The following TDRD3 variants were observed in gnomAD, a reference collection of about 807,000 sequenced individuals.
TDRD3 encodes the protein tudor domain containing 3, also known as tudor domain-containing protein 3.
TDRD3 carries 45 observed loss-of-function variants against 86.7 expected under a neutral mutation model. The observed-to-expected ratio is 0.52, with a 90% CI of 0.41 to 0.67. The LOEUF is 0.67. Ranked by LOEUF, TDRD3 falls within the 30% of genes least tolerant of loss-of-function variation. The pLI is 0.00. For missense variants in TDRD3, 814 were observed against 889.0 expected (o/e 0.92, Z 1.07); for synonymous variants, 298 against 301.7 (o/e 0.99, Z 0.13).
chr13:60,480,807 A>G (rs565497876), intron 5 of TDRD3, among the ~76,000 whole-genome samples: 2 of 152,096 alleles, frequency 1.3e-5, no homozygotes, highest in East Asian at 1.9e-4. Context: ...TATAGCCAGC[A>G]TGATGGGGAG....
intron 2 of TDRD3, 89 bp downstream of exon 2, chr13:60,439,861 C>A: frequency 1.3e-6 from 1 of 760,700 alleles, no homozygotes; most frequent in Non-Finnish European, 2.0e-6. Flanking sequence ...TATATGATAA[C>A]AAATATAGAG....
intron 7 of TDRD3, among the ~76,000 whole-genome samples, chr13:60,490,678 T>C (rs914945822): frequency 6.6e-5 from 10 of 152,150 alleles, no homozygotes; most frequent in Admixed American, 5.9e-4. Context: ...ATTATTGAAG[T>C]AATCTAGGAT....
At chr13:60,492,961 C>T (rs923083797) in intron 7 of TDRD3, among the ~76,000 whole-genome samples, 3 of 147,036 alleles carry the variant, frequency 2.0e-5, no homozygotes, top group African/African-American at 7.5e-5. Context: ...CTGTATCTCC[C>T]AGGTTGGAGT....
chr13:60,518,952 A>G (rs541059606), intron 10 of TDRD3, among the ~76,000 whole-genome samples: 17 of 152,320 alleles, frequency 1.1e-4, no homozygotes, highest in African/African-American at 3.8e-4. Flanking sequence ...GAAAGATGTT[A>G]TATCTAATAT....
intron 10 of TDRD3, among the ~76,000 whole-genome samples, chr13:60,527,742 C>A (rs1040126157): frequency 2.6e-5 from 4 of 152,088 alleles, no homozygotes; most frequent in African/African-American, 7.2e-5. Context: ...TGACACTTTT[C>A]TGTATTTCCA....
intron 12 of TDRD3, among the ~76,000 whole-genome samples, chr13:60,551,918 G>A (rs1015687646): frequency 1.3e-5 from 2 of 152,102 alleles, no homozygotes. Context: ...AACAGCATGG[G>A]GGAAACTGTC....
intron 2 of TDRD3, 55 bp from the exon 3 acceptor site, chr13:60,444,628 A>G (rs1156842377): frequency 5.7e-6 from 6 of 1,054,206 alleles, no homozygotes; most frequent in Non-Finnish European, 4.0e-6. Context: ...ATGAGGTTAG[A>G]TTTAAATTTA....
Position 60,573,628 on chromosome 13 carries a change from GA to G in TDRD3, c.*25del, listed in dbSNP as rs1958638174. On this transcript the variant is annotated 3_prime_UTR_variant, in exon 14 of 14. Transcript: ENST00000377881. ...CTTTTTAAAGTAGACTCTTTGTGAAGAAACGAGCCAGTGACTGAAACACCCT... is the reference window on the plus strand; with the variant it reads ...CTTTTTAAAGTAGACTCTTTGTGAAGAACGAGCCAGTGACTGAAACACCCT... 1.0e-6 allele frequency: 1 copy of G among 985,242 alleles called. No individual in the cohort carries two copies. Among genetic ancestry groups the G allele is most frequent in the African/African-American group, 1.7e-5 (1 of 57,206 alleles). 61.0% of individuals were successfully genotyped at this position (985,242 alleles called of 1,614,324 possible).
chr13:60,563,232 T>A lies in TDRD3; in HGVS notation c.2119-4293T>A, dbSNP rs376785858. Reference sequence around the variant, plus strand: ...GACAGAGCAAGACTCCATATCAATTTAAAAAAAAAAAAAAAGGCAAGGCGA... The same window carrying A: ...GACAGAGCAAGACTCCATATCAATTAAAAAAAAAAAAAAAAGGCAAGGCGA... On this transcript the variant is annotated intron_variant, in intron 12 of 13. Coordinates refer to ENST00000377881, the MANE Select transcript of TDRD3 (RefSeq NM_001146070.2). Among the ~76,000 whole-genome samples, 81 of 135,030 alleles carry A rather than the reference T, an allele frequency of 6.0e-4. 1 individual carries two copies. In the South Asian group the frequency reaches 0.01, roughly 17 times the overall value. The allele number at this position is 135,030 out of a possible 152,430, so 88.6% of individuals were successfully genotyped here.
intron 7 of TDRD3, among the ~76,000 whole-genome samples, chr13:60,490,001 C>A (rs1321210127): frequency 1.4e-5 from 2 of 143,466 alleles, no homozygotes; most frequent in African/African-American, 5.1e-5. Context: ...TTTGTTGTCA[C>A]AATTGATATT....
chr13:60,414,827 A>T (rs1668152030), intron 1 of TDRD3, among the ~76,000 whole-genome samples: 1 of 152,090 alleles, frequency 6.6e-6, no homozygotes, highest in Admixed American at 6.6e-5. Context: ...TCAATTGAGC[A>T]TTCCTATCAC....
At chr13:60,491,173 G>A (rs1470318347) in intron 7 of TDRD3, among the ~76,000 whole-genome samples, 1 of 151,984 alleles carries the variant, frequency 6.6e-6, no homozygotes, top group Admixed American at 6.6e-5. Flanking sequence ...AGAGAAATTG[G>A]CAGGTTAGAG....
chr13:60,462,120 T>C (rs1159380811), intron 4 of TDRD3, among the ~76,000 whole-genome samples: 2 of 152,248 alleles, frequency 1.3e-5, no homozygotes, highest in Non-Finnish European at 2.9e-5. Context: ...ATTGTGATTA[T>C]ATTCTCTTCT....
At chr13:60,567,882 C>T (rs547185581) in intron 13 of TDRD3, among the ~76,000 whole-genome samples, 1 of 145,000 alleles carries the variant, frequency 6.9e-6, no homozygotes, top group South Asian at 2.3e-4. Flanking sequence ...CACCACCATG[C>T]CCAGCTGATT....
chr13:60,452,014 C>T (rs1374929242), intron 3 of TDRD3, among the ~76,000 whole-genome samples: 1 of 152,062 alleles, frequency 6.6e-6, no homozygotes, highest in African/African-American at 2.4e-5. Flanking sequence ...CAAAAAATAG[C>T]CCTGACACAT....
At chr13:60,419,660 A>G (rs1400393077) in intron 1 of TDRD3, among the ~76,000 whole-genome samples, 1 of 152,134 alleles carries the variant, frequency 6.6e-6, no homozygotes, top group Non-Finnish European at 1.5e-5. Context: ...GAGGGAGAAC[A>G]TTAGGACAAA....
chr13:60,509,712 C>G (rs1957016908), intron 8 of TDRD3, 51 bp from the exon 9 acceptor site: 1 of 1,608,224 alleles, frequency 6.2e-7, no homozygotes, highest in African/African-American at 1.3e-5. Flanking sequence ...AAAGTTTATG[C>G]CTTGCCTTAT....
At position 60,445,984 on chromosome 13, in the gene TDRD3, C is replaced by T. The variant is rs1378138966; in HGVS notation, c.192+1236C>T. ...TTTTAAAAGTTTTGCACAGTGGTCT[C>T]TTTAAGATTTCCTTTGAATGTAGCT... On this transcript the variant is annotated intron_variant, in intron 3 of 13. Coordinates refer to ENST00000377881, the MANE Select transcript of TDRD3 (RefSeq NM_001146070.2). Among the ~76,000 whole-genome samples the T allele has an allele frequency of 2.6e-5, 4 of 152,010 alleles. No homozygotes were observed. In the East Asian group the frequency reaches 7.7e-4, roughly 29 times the overall value.
intron 12 of TDRD3, among the ~76,000 whole-genome samples, chr13:60,543,201 TGAA>T (rs1369296724): frequency 1.3e-5 from 2 of 152,184 alleles, no homozygotes; most frequent in African/African-American, 2.4e-5. Flanking sequence ...GTAAACATAA[TGAA>T]GAGGTTCTAG....
Sources: allele counts gnomAD v4.1 joint callset (sites outside exome capture counted in the v4.1 genomes callset), GRCh38; gene constraint gnomAD v4.1.1; transcripts MANE v1.5; gene names NCBI Gene and HGNC (gene_info 2026-07-23, HGNC 2026-07-21).